Variants in ZNF782 observed in about 807,000 individuals in gnomAD.
ZNF782 encodes zinc finger protein 782.
A neutral mutation model predicts 13.0 loss-of-function variants in ZNF782; 12 were observed. The observed-to-expected ratio is 0.92, with a 90% confidence interval of 0.59 to 1.50. The LOEUF is 1.50. ZNF782 is among the 40% of genes most tolerant of loss of function. The pLI is 0.00. For synonymous variants in ZNF782, 284 were observed against 283.0 expected, an observed-to-expected ratio of 1.00 and a Z score of -0.04; for missense variants, 770 against 822.9, an observed-to-expected ratio of 0.94 and a Z score of 0.79.
At chr9:96,884,603 A>C in the ZNF782 span, among the ~76,000 whole-genome samples, 1 of 151,942 alleles carries the variant, frequency 6.6e-6, no homozygotes, top group Non-Finnish European at 1.5e-5. Context: ...GGAGCTGGTC[A>C]CATAGTCACA....
the ZNF782 span, among the ~76,000 whole-genome samples, chr9:96,899,745 A>C: frequency 5.3e-5 from 8 of 152,286 alleles, no homozygotes; most frequent in South Asian, 1.0e-3. Flanking sequence ...ACTCTCAATA[A>C]TGAACCTGCC....
At chr9:96,891,497 G>C in the ZNF782 span, 1 of 151,658 alleles carries the variant, frequency 6.6e-6, no homozygotes. Flanking sequence ...TCAAGATACA[G>C]AATGTTACCA....
Position 96,818,948 on chromosome 9 carries a change from C to G in ZNF782, c.1075G>C (p.Val359Leu). 6.2e-7 allele frequency: 1 copy of G among 1,614,128 alleles called. No individual in the cohort carries two copies. Among genetic ancestry groups the G allele is most frequent in the Non-Finnish European group, 8.5e-7 (1 of 1,180,016 alleles). The change falls in exon 6 of 6, where the codon GTT (valine) becomes CTT (leucine). Residue 359 changes from valine to leucine, a missense_variant. Coordinates refer to ENST00000481138, the MANE Select transcript of ZNF782 (RefSeq NM_001001662.3). ...TCATAGGGTTTTGCCCTTATGTGAA[C>G]CTTCTGATGTACACTGAAAGTTGAC... ...YQSTFSVHQK[V>L]HIRAKPYEYN... is the part of the protein sequence containing the mutation.
chr9:96,899,149 G>T, the ZNF782 span, among the ~76,000 whole-genome samples: 1 of 150,898 alleles, frequency 6.6e-6, no homozygotes, highest in Non-Finnish European at 1.5e-5. Context: ...TTACTATAAT[G>T]TTTTCAAGGT....
intron 3 of ZNF782, 33 bp downstream of exon 3, chr9:96,851,913 AC>A: frequency 6.2e-7 from 1 of 1,606,952 alleles, no homozygotes; most frequent in Non-Finnish European, 8.5e-7. Context: ...AAAATCCATT[AC>A]AATACAAAGT....
chr9:96,825,510 T>A (rs1250780400), intron 5 of ZNF782, among the ~76,000 whole-genome samples: 2 of 151,786 alleles, frequency 1.3e-5, no homozygotes, highest in Non-Finnish European at 2.9e-5. Flanking sequence ...GGATTTCATG[T>A]CTAAAACACC....
upstream of ZNF782, among the ~76,000 whole-genome samples, chr9:96,876,283 A>T (rs570424444): frequency 4.6e-5 from 7 of 152,384 alleles, no homozygotes; most frequent in African/African-American, 1.4e-4. Flanking sequence ...AGACATGCAC[A>T]GGGAAGCATT....
chr9:96,832,317 A>C (rs1850832071), intron 4 of ZNF782, among the ~76,000 whole-genome samples: 1 of 152,208 alleles, frequency 6.6e-6, no homozygotes, highest in Admixed American at 6.5e-5. Context: ...TTTCATCTAT[A>C]TACATTGAGA....
At chr9:96,897,748 G>A in the ZNF782 span, among the ~76,000 whole-genome samples, 6,099 of 146,054 alleles carry the variant, frequency 0.042, 340 homozygotes, top group East Asian at 0.27. Context: ...CTAGGCTATT[G>A]CTCCATTTTC....
rs376453345 is a variant in ZNF782 at position 96,833,374 on chromosome 9, T to C, written c.143-6193A>G. On this transcript the variant is annotated intron_variant, in intron 4 of 5. Transcript: ENST00000481138. ...CAAGATCCCACATTACATTCAGTCA[T>C]CCTGTCTCTGTAGGCTCCTGTAAAC... 2.6e-5 allele frequency among the ~76,000 whole-genome samples: 4 copies of C among 152,240 alleles called. No individual in the cohort carries two copies. The South Asian group carries it at 8.3e-4, about 31-fold the overall frequency.
At chr9:96,849,920 C>G (rs745617248) in intron 3 of ZNF782, among the ~76,000 whole-genome samples, 4 of 152,140 alleles carry the variant, frequency 2.6e-5, no homozygotes, top group Non-Finnish European at 5.9e-5. Context: ...CTCAACATCG[C>G]TAATCATCAG....
intron 4 of ZNF782, among the ~76,000 whole-genome samples, chr9:96,830,981 T>C (rs563291415): frequency 5.7e-4 from 86 of 152,190 alleles, no homozygotes; most frequent in Non-Finnish European, 1.0e-3. Context: ...TGAATTTTAA[T>C]ATAGAAGAGC....
chr9:96,917,820 A>G, the ZNF782 span, among the ~76,000 whole-genome samples: 10 of 151,234 alleles, frequency 6.6e-5, no homozygotes, highest in Non-Finnish European at 1.2e-4. Context: ...AGTTCCTGGA[A>G]TCAACCAATC....
chr9:96,931,985 C>A, the ZNF782 span: 3 of 1,611,190 alleles, frequency 1.9e-6, no homozygotes, highest in Non-Finnish European at 2.5e-6. Flanking sequence ...GCCTGTGAAG[C>A]CCCCTCAGGC....
chr9:96,856,952 A>C (rs1225705508), upstream of ZNF782, among the ~76,000 whole-genome samples: 2 of 152,206 alleles, frequency 1.3e-5, no homozygotes, highest in Non-Finnish European at 2.9e-5. Flanking sequence ...AATGTTTTAC[A>C]ACCTCAGAGA....
chr9:96,878,178 G>T (rs1032271186), upstream of ZNF782, among the ~76,000 whole-genome samples: 2 of 152,074 alleles, frequency 1.3e-5, no homozygotes, highest in Non-Finnish European at 2.9e-5. Flanking sequence ...CCTCCCCAGT[G>T]GCTAGGATTA....
chr9:96,819,591 AGCAGACCCC>A lies in ZNF782; in HGVS notation c.423_431del (p.Gly142_Ala144del). On this transcript the variant is annotated inframe_deletion, in exon 6 of 6. Transcript: ENST00000481138. The stretch of plus-strand genomic sequence containing the variant: ...GGGCCATCAGGCTGAGCCCCTGGCA[AGCAGACCCC>A]GCAATGTCACATTTACAAGGCATCA... 1 of 1,613,966 alleles carries A rather than the reference AGCAGACCCC, an allele frequency of 6.2e-7. No homozygotes were observed. Among genetic ancestry groups the A allele is most frequent in the South Asian group, 1.1e-5 (1 of 90,978 alleles).
intron 4 of ZNF782, among the ~76,000 whole-genome samples, chr9:96,839,009 T>G (rs1851100557): frequency 6.6e-6 from 1 of 152,124 alleles, no homozygotes; most frequent in African/African-American, 2.4e-5. Flanking sequence ...CCACAGCGCC[T>G]GGCCTATCCA....
At chr9:96,907,934 C>G in the ZNF782 span, among the ~76,000 whole-genome samples, 4 of 151,700 alleles carry the variant, frequency 2.6e-5, no homozygotes, top group African/African-American at 9.7e-5. Context: ...AGCCACCGTG[C>G]CCGGCCTTGA....
Sources: gnomAD v4.1 joint callset for allele counts (sites outside exome capture counted in the v4.1 genomes callset) on GRCh38, gnomAD v4.1.1 for gene constraint, MANE v1.5 for transcripts, NCBI Gene and HGNC (gene_info 2026-07-23, HGNC 2026-07-21) for gene names.